SH2D3C: variants seen among roughly 807,000 people sequenced by gnomAD.
SH2D3C encodes the protein SH2 domain-containing protein 3C.
In SH2D3C, 25 loss-of-function variants were observed where a neutral mutation model predicts 75.2. The ratio of observed to expected loss-of-function variants is 0.33; its 90% CI spans 0.24 to 0.46. The LOEUF (loss-of-function observed/expected upper bound fraction) is 0.46, where lower values mean the gene tolerates loss of function less well. Among genes scored for constraint, SH2D3C ranks in the 20% least tolerant of loss-of-function variants. SH2D3C has a pLI of 1.00. For synonymous variants in SH2D3C, 450 were observed against 473.7 expected, an observed-to-expected ratio of 0.95 and a Z score of 0.65; for missense variants, 933 against 1,165.3, an observed-to-expected ratio of 0.80 and a Z score of 2.90.
chr9:127,771,252 G>T (rs1470415348), intron 2 of SH2D3C: 4 of 1,542,204 alleles, frequency 2.6e-6, no homozygotes, highest in Non-Finnish European at 3.5e-6. Flanking sequence ...GTCGCCGCCG[G>T]CAACCCGGGG....
intron 9 of SH2D3C, among the ~76,000 whole-genome samples, chr9:127,740,902 C>G (rs1173061023): frequency 2.0e-5 from 3 of 152,154 alleles, no homozygotes; most frequent in Non-Finnish European, 4.4e-5. Context: ...AAGATGATCT[C>G]AATCTCCTGA....
At chr9:127,777,727 C>T (rs545460618) in intron 1 of SH2D3C, among the ~76,000 whole-genome samples, 12 of 152,100 alleles carry the variant, frequency 7.9e-5, no homozygotes, top group African/African-American at 1.9e-4. Flanking sequence ...GACAAAGAGA[C>T]GGATAAAGAG....
intron 7 of SH2D3C, among the ~76,000 whole-genome samples, chr9:127,743,459 C>T (rs1224824772): frequency 1.3e-5 from 2 of 152,172 alleles, no homozygotes; most frequent in Admixed American, 6.5e-5. Context: ...GCCGATATCA[C>T]GCCACTGCAC....
At chr9:127,762,390 A>T in intron 2 of SH2D3C, 1 of 1,131,046 alleles carries the variant, frequency 8.8e-7, no homozygotes, top group Non-Finnish European at 1.2e-6. Context: ...AAACCCAACT[A>T]CCTCCTGGAC....
chr9:127,755,248 C>T, intron 3 of SH2D3C: 1 of 1,022,400 alleles, frequency 9.8e-7, no homozygotes, highest in Non-Finnish European at 1.2e-6. Flanking sequence ...TAGGCACCGG[C>T]TGCGCGTGCC....
At chr9:127,750,761 C>T (rs1476630387) in intron 4 of SH2D3C, among the ~76,000 whole-genome samples, 3 of 152,170 alleles carry the variant, frequency 2.0e-5, no homozygotes, top group African/African-American at 7.2e-5. Flanking sequence ...TATAAAGTCA[C>T]CTCAGCCAAG....
At chr9:127,771,271 A>T in intron 2 of SH2D3C, 1 of 1,530,060 alleles carries the variant, frequency 6.5e-7, no homozygotes, top group Non-Finnish European at 8.8e-7. Flanking sequence ...GGACCTCCTA[A>T]ACCCAGCGGC....
At chr9:127,764,670 T>A (rs1006827145) in intron 2 of SH2D3C, among the ~76,000 whole-genome samples, 1 of 152,098 alleles carries the variant, frequency 6.6e-6, no homozygotes, top group Non-Finnish European at 1.5e-5. Flanking sequence ...CCGGCAGATA[T>A]CCCCCGGGTT....
chr9:127,747,720 A>G (rs1175316776), intron 5 of SH2D3C, among the ~76,000 whole-genome samples: 2 of 151,940 alleles, frequency 1.3e-5, no homozygotes, highest in East Asian at 3.9e-4. Flanking sequence ...TTGTATTTTT[A>G]GTAGAGATGG....
Position 127,739,848 on chromosome 9 carries a change from C to A in SH2D3C, c.2241G>T (p.Leu747=). 1 of 1,569,024 alleles carries A rather than the reference C, an allele frequency of 6.4e-7. No homozygotes were observed. Residue 747 remains leucine, a synonymous_variant, in exon 11 of 12, where the codon CTG becomes CTT. Transcript: ENST00000314830. The surrounding 1 kb of genome is among the most constrained non-coding windows in gnomAD (Gnocchi z 4.3). ...PLSNTTFPHV[L]PLITLLECDS... ...CACACTCCAGCAGGGTGATGAGGGG[C>A]AGCACATGAGGAAACGTGGTGTTGC...
At chr9:127,769,230 T>C (rs967688451) in intron 2 of SH2D3C, among the ~76,000 whole-genome samples, 17 of 152,300 alleles carry the variant, frequency 1.1e-4, no homozygotes, top group African/African-American at 3.6e-4. Context: ...ATGAATATCA[T>C]TCCCATTCAA....
At chr9:127,743,910 C>A (rs991899291) in intron 7 of SH2D3C, among the ~76,000 whole-genome samples, 3 of 151,734 alleles carry the variant, frequency 2.0e-5, no homozygotes, top group African/African-American at 4.8e-5. Context: ...GAGAGTCAGG[C>A]CTTTTCTAGT....
intron 3 of SH2D3C, among the ~76,000 whole-genome samples, chr9:127,753,115 T>C (rs1845248230): frequency 1.3e-5 from 2 of 151,928 alleles, no homozygotes. Flanking sequence ...GTGGCACGGC[T>C]GCCTCAGGGA....
chr9:127,741,850 G>T lies in SH2D3C; in HGVS notation c.2026C>A (p.Arg676=). The part of the protein sequence containing the change: ...HKTIQLAAEL[R]GTMGNMFSFA... ...CTGAACATGTTGCCCATAGTCCCCCGCAGCTCGGCCGCCAGCTGAATGGTC... is the reference window on the plus strand; with the variant it reads ...CTGAACATGTTGCCCATAGTCCCCCTCAGCTCGGCCGCCAGCTGAATGGTC... The change falls in exon 9 of 12, where the codon CGG becomes AGG. Residue 676 remains arginine (R), a synonymous_variant. Transcript: ENST00000314830. 6.2e-7 allele frequency: 1 copy of T among 1,613,396 alleles called. No homozygotes were observed. Among genetic ancestry groups the T allele is most frequent in the Non-Finnish European group, 8.5e-7 (1 of 1,180,028 alleles).
intron 1 of SH2D3C, among the ~76,000 whole-genome samples, chr9:127,777,350 G>C (rs1239203890): frequency 6.6e-6 from 1 of 152,136 alleles, no homozygotes; most frequent in Non-Finnish European, 1.5e-5. Flanking sequence ...CCCCACCCAA[G>C]TATTGGGTCC....
intron 3 of SH2D3C, among the ~76,000 whole-genome samples, chr9:127,752,593 C>T (rs1186939121): frequency 2.6e-5 from 4 of 152,274 alleles, no homozygotes; most frequent in South Asian, 2.1e-4. Flanking sequence ...CCACAGATCT[C>T]GCCTCCTAAT....
intron 4 of SH2D3C, among the ~76,000 whole-genome samples, chr9:127,750,230 C>G (rs569366296): frequency 6.6e-6 from 1 of 151,974 alleles, no homozygotes. Context: ...GGCACACTCA[C>G]TGCAACCTCC....
chr9:127,749,484 C>T lies in SH2D3C; in HGVS notation c.866G>A (p.Ser289Asn). Reference sequence around the variant, plus strand: ...CACGAGGGCGGGCACGTGGTCAAAGCTCTCCTGCTCAAACAGGTACTGGAT... The same window carrying T: ...CACGAGGGCGGGCACGTGGTCAAAGTTCTCCTGCTCAAACAGGTACTGGAT... ...THIQYLFEQESFDHVPALVRY... is the reference protein window; with the variant it reads ...THIQYLFEQENFDHVPALVRY... Residue 289 changes from serine (S) to asparagine (N), a missense_variant, in exon 5 of 12, where the codon AGC (serine) becomes AAC (asparagine). Coordinates refer to ENST00000314830, the MANE Select transcript of SH2D3C (RefSeq NM_170600.3). The surrounding 1 kb of genome is among the most constrained non-coding windows in gnomAD (Gnocchi z 5.9). 1 of 1,614,216 alleles carries T rather than the reference C, an allele frequency of 6.2e-7. No homozygotes were observed. Among genetic ancestry groups the T allele is most frequent in the Non-Finnish European group, 8.5e-7 (1 of 1,180,040 alleles).
chr9:127,741,616 G>A (rs1844858731), intron 9 of SH2D3C, among the ~76,000 whole-genome samples, 172 bp downstream of exon 9: 1 of 152,220 alleles, frequency 6.6e-6, no homozygotes, highest in Non-Finnish European at 1.5e-5. Context: ...CAGAGAAGGG[G>A]AAGAACTTGC....
Sources: allele counts gnomAD v4.1 joint callset (sites outside exome capture counted in the v4.1 genomes callset), GRCh38; gene constraint gnomAD v4.1.1; non-coding constraint Gnocchi (gnomAD v3.1); transcripts MANE v1.5; gene names NCBI Gene and HGNC (gene_info 2026-07-23, HGNC 2026-07-21).